The following KLKB1 variants were observed in gnomAD, a reference collection of about 807,000 sequenced individuals.
KLKB1 encodes kallikrein B1.
KLKB1 carries 58 observed loss-of-function variants against 73.6 expected under a neutral mutation model. The ratio of observed to expected loss-of-function variants is 0.79; its 90% confidence interval spans 0.64 to 0.98. The LOEUF is 0.98. KLKB1 is among the 50% of genes least tolerant of loss of function. The pLI, the probability that KLKB1 is intolerant of heterozygous loss-of-function variation, is 0.00. For missense variants in KLKB1, 737 were observed against 763.8 expected (o/e 0.96, Z 0.41); for synonymous variants, 280 against 258.1 (o/e 1.08, Z -0.81).
At chr4:186,246,731 G>C (rs895169202) in intron 6 of KLKB1, among the ~76,000 whole-genome samples, 1 of 152,060 alleles carries the variant, frequency 6.6e-6, no homozygotes, top group Non-Finnish European at 1.5e-5. Context: ...AAGGGGTGGG[G>C]GGGTGCTTGC....
intron 6 of KLKB1, among the ~76,000 whole-genome samples, chr4:186,249,399 C>T (rs893048465): frequency 6.6e-6 from 1 of 152,138 alleles, no homozygotes; most frequent in African/African-American, 2.4e-5. Context: ...TGTCTTGAAA[C>T]CCTTTTCAAA....
At chr4:186,226,740 T>C (rs1334312442), upstream of KLKB1, among the ~76,000 whole-genome samples, 2 of 152,170 alleles carry the variant, frequency 1.3e-5, no homozygotes, top group Admixed American at 1.3e-4. Flanking sequence ...TGGGTCCACA[T>C]GGCCCAGCAT....
At chr4:186,255,407 GA>G (rs529045515) in intron 12 of KLKB1, among the ~76,000 whole-genome samples, 2 of 152,080 alleles carry the variant, frequency 1.3e-5, no homozygotes, top group Admixed American at 1.3e-4. Context: ...CATAAAATTA[GA>G]AAAAAACAAT....
chr4:186,235,244 G>A (rs1737598810), intron 4 of KLKB1, among the ~76,000 whole-genome samples: 1 of 152,120 alleles, frequency 6.6e-6, no homozygotes, highest in African/African-American at 2.4e-5. Context: ...GTTGTATCTT[G>A]TAGCAAAATT....
Position 186,254,553 on chromosome 4 carries a change from C to G in KLKB1, c.1314-35C>G, listed in dbSNP as rs1189163545. On this transcript the variant is annotated intron_variant, in intron 11 of 14. Coordinates refer to ENST00000264690, the MANE Select transcript of KLKB1 (RefSeq NM_000892.5). ...GGAACACTATTGAAGGAAGGACTGC[C>G]CAGTTTCAAACAGGTATTTATTTTT... 5 of 1,565,734 alleles carry G rather than the reference C, an allele frequency of 3.2e-6. 1 individual carries two copies. The South Asian group carries it at 5.5e-5, about 17-fold the overall frequency.
chr4:186,212,415 C>T lies in KLKB1; in HGVS notation c.201+3143C>T, dbSNP rs779828762. The T allele has an allele frequency of 4.1e-4, 63 of 152,126 alleles. No individual in the cohort carries two copies. The highest frequency in any genetic ancestry group is 7.1e-4 in the Non-Finnish European group (48 of 68,022). The allele number at this position is 152,126 out of a possible 1,614,324, so 9.4% of individuals were successfully genotyped here. ...ATACTTATGAAGGTGATAACTGACA[C>T]GTGTTCACTGAATTTTAATTTGATA... On this transcript the variant is annotated intron_variant, in intron 2 of 14. Coordinates refer to the KLKB1 transcript ENST00000511608.
At chr4:186,222,213 A>G (rs867443688), upstream of KLKB1, among the ~76,000 whole-genome samples, 6 of 152,192 alleles carry the variant, frequency 3.9e-5, no homozygotes, top group Non-Finnish European at 7.3e-5. Flanking sequence ...TTATTCACTC[A>G]TCCACTCTCT....
chr4:186,215,361 C>CTTCTTTCT (rs1332755823), intron 2 of KLKB1, among the ~76,000 whole-genome samples: 53 of 6,360 alleles, frequency 8.3e-3, no homozygotes, highest in Admixed American at 0.042. Context: ...TCTTTCTTTC[C>CTTCTTTCT]TTCCTTCCTT....
chr4:186,230,416 G>C (rs1737336322), intron 2 of KLKB1, among the ~76,000 whole-genome samples: 1 of 151,750 alleles, frequency 6.6e-6, no homozygotes, highest in Non-Finnish European at 1.5e-5. Context: ...TCTCATTATT[G>C]TTTGTGGAAT....
intron 2 of KLKB1, chr4:186,211,231 C>A (rs1304007222): frequency 6.5e-6 from 1 of 152,886 alleles, no homozygotes; most frequent in Non-Finnish European, 1.5e-5. Flanking sequence ...AAACATCTAA[C>A]AGGTTTCTCA....
Position 186,250,371 on chromosome 4 carries a change from T to A in KLKB1, c.727T>A (p.Tyr243Asn). The A allele has an allele frequency of 6.2e-7, 1 of 1,614,184 alleles. No homozygotes were observed. Among genetic ancestry groups the A allele is most frequent in the Non-Finnish European group, 8.5e-7 (1 of 1,179,998 alleles). The change falls in exon 7 of 15, where the codon TAT (tyrosine) becomes AAT (asparagine). Residue 243 changes from tyrosine (Y) to asparagine (N), a missense_variant. By Grantham distance (143) the Tyr-to-Asn change is moderately radical. Coordinates refer to ENST00000264690, the MANE Select transcript of KLKB1 (RefSeq NM_000892.5). ...CCCCAACTGCCTCTTCTTTACATTCTATACAAATGTATGGAAAATCGAGTC... is the reference window on the plus strand; with the variant it reads ...CCCCAACTGCCTCTTCTTTACATTCAATACAAATGTATGGAAAATCGAGTC... ...YHPNCLFFTF[Y>N]TNVWKIESQR... is the part of the protein sequence containing the mutation.
chr4:186,213,035 A>T (rs1025969510), intron 2 of KLKB1: 10 of 152,228 alleles, frequency 6.6e-5, no homozygotes, highest in Non-Finnish European at 1.0e-4. Flanking sequence ...TGTTTTATGC[A>T]CTTACATTTA....
At chr4:186,255,124 G>A (rs1415101520) in intron 12 of KLKB1, among the ~76,000 whole-genome samples, 2 of 152,152 alleles carry the variant, frequency 1.3e-5, no homozygotes, top group African/African-American at 4.8e-5. Context: ...GAGGGCAAGT[G>A]GGATCAGATA....
chr4:186,252,894 T>G (rs529985037), intron 11 of KLKB1, among the ~76,000 whole-genome samples: 88 of 152,384 alleles, frequency 5.8e-4, no homozygotes, highest in South Asian at 3.7e-3. Context: ...TATATTTCAA[T>G]GTATATAATT....
chr4:186,212,839 A>G (rs1736771952), intron 2 of KLKB1: 1 of 152,236 alleles, frequency 6.6e-6, no homozygotes, highest in South Asian at 2.1e-4. Flanking sequence ...AACTATCCCA[A>G]AGAGCCACAG....
intron 6 of KLKB1, among the ~76,000 whole-genome samples, chr4:186,248,030 G>A (rs1012363259): frequency 3.9e-5 from 6 of 152,004 alleles, no homozygotes; most frequent in African/African-American, 1.2e-4. Flanking sequence ...GGCGGATCAC[G>A]GGGTCAGGAG....
chr4:186,212,086 G>T (rs1736742169), intron 2 of KLKB1: 1 of 152,126 alleles, frequency 6.6e-6, no homozygotes, highest in Admixed American at 6.6e-5. Context: ...CAATAAGACA[G>T]TTTCTGCCCA....
rs1390046065 is a variant in KLKB1, at chr4:186,256,053, TTG to T, written c.1552_1553del (p.Trp518GlyfsTer12). 8.7e-6 allele frequency: 14 copies of T among 1,612,856 alleles called. No individual in the cohort carries two copies. The highest frequency in any genetic ancestry group is 1.2e-5 in the Non-Finnish European group (14 of 1,178,932). On this transcript the variant is annotated frameshift_variant, in exon 13 of 15. Transcript: ENST00000264690. LOFTEE classifies it high-confidence loss of function. ...GDTSTIYTNC[W>X]VTGWGFSKEK... is the part of the protein sequence containing the mutation. ...ACACAAGCACAATTTATACCAACTGTTGGGTAACCGGATGGGGCTTCTCGAAG... is the reference window on the plus strand; with the variant it reads ...ACACAAGCACAATTTATACCAACTGTGGTAACCGGATGGGGCTTCTCGAAG...
At chr4:186,252,599 A>T (rs1372086627) in intron 11 of KLKB1, among the ~76,000 whole-genome samples, 1 of 130,440 alleles carries the variant, frequency 7.7e-6, no homozygotes, top group Admixed American at 7.7e-5. Context: ...CCCACCACCT[A>T]CCCCACCACC....
Sources: allele counts gnomAD v4.1 joint callset (sites outside exome capture counted in the v4.1 genomes callset), GRCh38; gene constraint gnomAD v4.1.1; transcripts MANE v1.5; gene names NCBI Gene and HGNC (gene_info 2026-07-23, HGNC 2026-07-21).